ARID1B: variants seen among roughly 807,000 people sequenced by gnomAD.
ARID1B encodes AT-rich interactive domain-containing protein 1B.
In ARID1B, 30 loss-of-function variants were observed where a neutral mutation model predicts 212.3. The ratio of observed to expected loss-of-function variants is 0.14; its 90% CI spans 0.11 to 0.19. The LOEUF is 0.19. Ranked by LOEUF, ARID1B falls within the 10% of genes least tolerant of loss-of-function variation. ARID1B has a pLI of 1.00. For missense variants in ARID1B, 2,891 were observed against 3,204.0 expected (o/e 0.90, Z 2.36); for synonymous variants, 1,402 against 1,301.7 (o/e 1.08, Z -1.66).
chr6:156,817,865 T>C (rs1321078501), intron 1 of ARID1B, among the ~76,000 whole-genome samples: 1 of 152,170 alleles, frequency 6.6e-6, no homozygotes, highest in Admixed American at 6.5e-5. Flanking sequence ...GTTGTATACA[T>C]TCCGCTTCTT....
chr6:156,924,167 C>T (rs1048264722), intron 3 of ARID1B, among the ~76,000 whole-genome samples: 8 of 152,134 alleles, frequency 5.3e-5, no homozygotes, highest in Non-Finnish European at 1.2e-4. Context: ...ACAGTCATCC[C>T]CCTTGTCAGC....
chr6:156,896,228 G>C (rs766986592), intron 2 of ARID1B, among the ~76,000 whole-genome samples: 1 of 152,214 alleles, frequency 6.6e-6, no homozygotes, highest in East Asian at 1.9e-4. Flanking sequence ...TTAACAAGGC[G>C]CATGGCCGGG....
chr6:156,905,232 T>C (rs551366459), intron 3 of ARID1B, among the ~76,000 whole-genome samples: 1 of 125,966 alleles, frequency 7.9e-6, no homozygotes, highest in South Asian at 2.4e-4. Context: ...ATAGAATCAA[T>C]TGTGCTCACA....
chr6:157,106,911 C>T lies in ARID1B; in HGVS notation c.2492-3561C>T, dbSNP rs546354138. Among the ~76,000 whole-genome samples the T allele has an allele frequency of 3.9e-5, 6 of 152,260 alleles. No individual in the cohort carries two copies. In the South Asian group the frequency reaches 8.3e-4, roughly 21 times the overall value. ...GGGGAAATATAGAATCACCGTTAGC[C>T]GATACCACTGTAATAAATGTAAACA... On this transcript the variant is annotated intron_variant, in intron 5 of 19. Coordinates refer to ENST00000636930, the MANE Select transcript of ARID1B (RefSeq NM_001374828.1).
chr6:157,195,181 G>A (rs952027470), intron 15 of ARID1B: 4 of 152,204 alleles, frequency 2.6e-5, no homozygotes, highest in African/African-American at 9.7e-5. Context: ...CTGTGGATCA[G>A]GAATCTGGCA....
chr6:156,882,596 G>A (rs1341954456), intron 2 of ARID1B, among the ~76,000 whole-genome samples: 3 of 152,102 alleles, frequency 2.0e-5, no homozygotes, highest in Non-Finnish European at 4.4e-5. Flanking sequence ...CTTTCAATCA[G>A]GAGACCAGAA....
intron 2 of ARID1B, among the ~76,000 whole-genome samples, chr6:156,830,330 G>T (rs760488059): frequency 1.3e-5 from 2 of 152,146 alleles, no homozygotes; most frequent in Non-Finnish European, 2.9e-5. Context: ...CCCATGGTGC[G>T]GCCGTCGGTA....
chr6:156,951,197 T>C (rs1793559097), intron 4 of ARID1B, among the ~76,000 whole-genome samples: 1 of 152,184 alleles, frequency 6.6e-6, no homozygotes, highest in Non-Finnish European at 1.5e-5. Flanking sequence ...ATATAGAATT[T>C]ATAACCCTTG....
At chr6:157,048,848 C>G (rs960864857) in intron 4 of ARID1B, among the ~76,000 whole-genome samples, 5 of 152,162 alleles carry the variant, frequency 3.3e-5, no homozygotes, top group African/African-American at 4.8e-5. Flanking sequence ...CCCGCAGTGG[C>G]TCTGTGTTCC....
intron 6 of ARID1B, among the ~76,000 whole-genome samples, chr6:157,121,983 G>A (rs1787755205): frequency 6.6e-6 from 1 of 152,134 alleles, no homozygotes; most frequent in Admixed American, 6.5e-5. Flanking sequence ...CCACAGATAG[G>A]ACACTGCTGC....
chr6:156,778,051 C>T lies in ARID1B; in HGVS notation c.371C>T (p.Ser124Phe), dbSNP rs890215101. The T allele has an allele frequency of 5.7e-5, 87 of 1,536,190 alleles. No individual in the cohort carries two copies. The highest frequency in any genetic ancestry group is 7.2e-5 in the Non-Finnish European group (82 of 1,145,800). Reference sequence around the variant, plus strand: ...GCGCTGTCCTCCTCCTCCTCCTCCTCCGCGGCGGCAGCGGCGGCATCCTCT... The same window carrying T: ...GCGCTGTCCTCCTCCTCCTCCTCCTTCGCGGCGGCAGCGGCGGCATCCTCT... ...AAALSSSSSS[S>F]AAAAAASSSS... is the part of the protein sequence containing the mutation. The change falls in exon 1 of 20, where the codon TCC becomes TTC. Residue 124 changes from serine to phenylalanine, a missense_variant. Ser to Phe is a radical substitution (Grantham distance 155, BLOSUM62 -2). Transcript: ENST00000636930.
Position 157,064,057 on chromosome 6 carries a change from A to G in ARID1B, c.2248-20605A>G, listed in dbSNP as rs150021833. On this transcript the variant is annotated intron_variant, in intron 4 of 19. Coordinates refer to ENST00000636930, the MANE Select transcript of ARID1B (RefSeq NM_001374828.1). Reference sequence around the variant, plus strand: ...AAGGTTTGTGGCATCCGACTAGGCTAGCCGGAAACCTGCATCTCCACAGTA... The same window carrying G: ...AAGGTTTGTGGCATCCGACTAGGCTGGCCGGAAACCTGCATCTCCACAGTA... Among the ~76,000 whole-genome samples the G allele has an allele frequency of 1.2e-3, 190 of 152,358 alleles. 1 individual carries two copies. Among genetic ancestry groups the G allele is most frequent in the Non-Finnish European group, 1.8e-3 (121 of 68,028 alleles).
chr6:157,171,733 T>G (rs146164057), intron 9 of ARID1B, among the ~76,000 whole-genome samples: 1 of 152,188 alleles, frequency 6.6e-6, no homozygotes, highest in Non-Finnish European at 1.5e-5. Context: ...AAATATATAA[T>G]AGAGAATGAA....
intron 5 of ARID1B, among the ~76,000 whole-genome samples, chr6:157,101,402 C>T (rs147845635): frequency 9.2e-5 from 14 of 152,268 alleles, no homozygotes; most frequent in Admixed American, 3.9e-4. Context: ...TTAATTCACA[C>T]GGACCTAAGA....
At chr6:156,938,768 A>G (rs1792452439) in intron 4 of ARID1B, 2 of 152,200 alleles carry the variant, frequency 1.3e-5, no homozygotes, top group Non-Finnish European at 2.9e-5. Flanking sequence ...GGCATTTCCA[A>G]TATCTTTATG....
chr6:156,813,197 A>G (rs1781732308), intron 1 of ARID1B, among the ~76,000 whole-genome samples: 1 of 149,946 alleles, frequency 6.7e-6, no homozygotes, highest in African/African-American at 2.5e-5. Context: ...TCTGCCACCC[A>G]GGTTGAAGCA....
intron 6 of ARID1B, among the ~76,000 whole-genome samples, chr6:157,115,358 C>T (rs914693093): frequency 1.3e-5 from 2 of 152,176 alleles, no homozygotes; most frequent in East Asian, 3.8e-4. Context: ...AGTATTGCCT[C>T]CTCTACATCT....
chr6:157,082,870 C>T (rs556650202), intron 4 of ARID1B, among the ~76,000 whole-genome samples: 3 of 152,320 alleles, frequency 2.0e-5, no homozygotes, highest in East Asian at 3.9e-4. Context: ...TTCTTCTTAG[C>T]AGAAGACATT....
At chr6:157,027,238 T>C (rs1183535611) in intron 4 of ARID1B, among the ~76,000 whole-genome samples, 2 of 152,090 alleles carry the variant, frequency 1.3e-5, no homozygotes, top group Non-Finnish European at 2.9e-5. Flanking sequence ...ATAATTCATC[T>C]TAAGGTAAAA....
Sources: gnomAD v4.1 joint callset for allele counts (sites outside exome capture counted in the v4.1 genomes callset) on GRCh38, gnomAD v4.1.1 for gene constraint, MANE v1.5 for transcripts, NCBI Gene and HGNC (gene_info 2026-07-23, HGNC 2026-07-21) for gene names.